The following RAPGEF5 variants were observed in gnomAD, a reference collection of about 807,000 sequenced individuals.
RAPGEF5 encodes M-Ras-regulated GEF.
In RAPGEF5, 65 loss-of-function variants were observed where a neutral mutation model predicts 125.2. That is an observed-to-expected ratio of 0.52 (90% CI 0.43 to 0.64). The LOEUF (loss-of-function observed/expected upper bound fraction) is 0.64, where lower values mean the gene tolerates loss of function less well. Ranked by LOEUF, RAPGEF5 falls within the 30% of genes least tolerant of loss-of-function variation. RAPGEF5 has a pLI of 0.00. For missense variants in RAPGEF5, 958 were observed against 1,048.1 expected (o/e 0.91, Z 1.19); for synonymous variants, 391 against 385.9 (o/e 1.01, Z -0.16).
chr7:22,318,752 T>G (rs1783654823), intron 1 of RAPGEF5, among the ~76,000 whole-genome samples: 1 of 152,204 alleles, frequency 6.6e-6, no homozygotes, highest in East Asian at 1.9e-4. Context: ...AAGTCCAGTT[T>G]TGTGGAGTCG....
chr7:22,153,823 G>C (rs957356234), intron 17 of RAPGEF5, among the ~76,000 whole-genome samples: 1 of 152,202 alleles, frequency 6.6e-6, no homozygotes, highest in Non-Finnish European at 1.5e-5. Context: ...ATTGAGATCT[G>C]ACAGGCTCCA....
intron 6 of RAPGEF5, among the ~76,000 whole-genome samples, chr7:22,268,426 C>G (rs1296713444): frequency 6.6e-6 from 1 of 152,162 alleles, no homozygotes; most frequent in African/African-American, 2.4e-5. Flanking sequence ...GGTATGCATA[C>G]TCAAATAAAT....
At chr7:22,332,734 A>T (rs2128157989) in intron 1 of RAPGEF5, among the ~76,000 whole-genome samples, 1 of 152,388 alleles carries the variant, frequency 6.6e-6, no homozygotes, top group Middle Eastern at 3.4e-3. Context: ...AGTCCTATGT[A>T]TCTCAAGCTG....
chr7:22,172,276 CCAT>C lies in RAPGEF5; in HGVS notation c.1205-5131_1205-5129del. 5.3e-5 allele frequency among the ~76,000 whole-genome samples: 8 copies of C among 151,972 alleles called. No individual in the cohort carries two copies. In the East Asian group the frequency reaches 1.6e-3, roughly 29 times the overall value. On this transcript the variant is annotated intron_variant, in intron 11 of 25. Transcript: ENST00000665637. ...CAACTGGGATTACAGGCACACACCA[CCAT>C]GCCCGGCTAATTTTTGTATTTTTAG...
intron 11 of RAPGEF5, among the ~76,000 whole-genome samples, chr7:22,184,664 T>A (rs1373255207): frequency 1.3e-5 from 2 of 152,248 alleles, no homozygotes; most frequent in Non-Finnish European, 2.9e-5. Flanking sequence ...TGTATGTTAA[T>A]GATCTTATGC....
chr7:22,339,124 G>A (rs1262217249), intron 1 of RAPGEF5, among the ~76,000 whole-genome samples: 1 of 152,150 alleles, frequency 6.6e-6, no homozygotes, highest in Non-Finnish European at 1.5e-5. Context: ...AACGCCTCAA[G>A]TGAGCATGCA....
intron 11 of RAPGEF5, chr7:22,191,634 T>G (rs1785000362): frequency 8.5e-6 from 4 of 470,378 alleles, no homozygotes; most frequent in South Asian, 6.2e-5. Context: ...ATCCCAGGGG[T>G]TGGTATAACT....
chr7:22,248,281 C>A (rs889126717), intron 7 of RAPGEF5, among the ~76,000 whole-genome samples: 2 of 152,078 alleles, frequency 1.3e-5, no homozygotes, highest in African/African-American at 4.8e-5. Flanking sequence ...CAAGGCTAAC[C>A]ACGAAATTAG....
At chr7:22,290,574 T>A (rs1782907280) in intron 6 of RAPGEF5, among the ~76,000 whole-genome samples, 1 of 151,298 alleles carries the variant, frequency 6.6e-6, no homozygotes, top group African/African-American at 2.4e-5. Context: ...TGAAACCCCG[T>A]CTCTACTAAA....
At chr7:22,204,061 T>G (rs1785342805) in intron 9 of RAPGEF5, among the ~76,000 whole-genome samples, 1 of 152,192 alleles carries the variant, frequency 6.6e-6, no homozygotes, top group African/African-American at 2.4e-5. Context: ...ATTTGTCCCG[T>G]GGGGTTTGAA....
chr7:22,244,322 G>A (rs763125438), intron 7 of RAPGEF5, among the ~76,000 whole-genome samples: 1 of 152,040 alleles, frequency 6.6e-6, no homozygotes, highest in African/African-American at 2.4e-5. Flanking sequence ...CAACCCCCAC[G>A]CCACGGACTG....
rs769507114 is a variant in RAPGEF5 at position 22,146,253 on chromosome 7, A to C, written c.2007+644T>G. Among the ~76,000 whole-genome samples the C allele has an allele frequency of 2.0e-5, 3 of 152,190 alleles. No individual in the cohort carries two copies. The East Asian group carries it at 5.8e-4, about 29-fold the overall frequency. ...CACTACATGGCGAAGCAAATGCAAC[A>C]TATGGTTACAGAGGGCTCTAACATT... On this transcript the variant is annotated intron_variant, in intron 19 of 25. Coordinates refer to ENST00000665637, the MANE Select transcript of RAPGEF5 (RefSeq NM_012294.5).
intron 11 of RAPGEF5, among the ~76,000 whole-genome samples, chr7:22,180,143 A>T (rs551005504): frequency 6.6e-6 from 1 of 152,222 alleles, no homozygotes; most frequent in Non-Finnish European, 1.5e-5. Flanking sequence ...TAGTATGTCC[A>T]TATTTCTTTG....
chr7:22,279,785 A>C (rs1782633847), intron 6 of RAPGEF5, among the ~76,000 whole-genome samples: 1 of 152,230 alleles, frequency 6.6e-6, no homozygotes, highest in Non-Finnish European at 1.5e-5. Context: ...CTTCAAGTCA[A>C]ATGACAGGGG....
At chr7:22,160,822 C>T (rs376203974) in intron 13 of RAPGEF5, among the ~76,000 whole-genome samples, 1 of 152,138 alleles carries the variant, frequency 6.6e-6, no homozygotes, top group South Asian at 2.1e-4. Flanking sequence ...CTTTCAGGGC[C>T]ATAGGTGGAA....
At chr7:22,264,963 T>G (rs1242918758) in intron 7 of RAPGEF5, among the ~76,000 whole-genome samples, 1 of 152,192 alleles carries the variant, frequency 6.6e-6, no homozygotes, top group Non-Finnish European at 1.5e-5. Context: ...AGGCCCTCCC[T>G]CCTGCAATCT....
At chr7:22,258,602 C>T (rs1391719335) in intron 7 of RAPGEF5, among the ~76,000 whole-genome samples, 1 of 98,184 alleles carries the variant, frequency 1.0e-5, no homozygotes, top group Non-Finnish European at 1.8e-5. Flanking sequence ...CCAGCCTGGG[C>T]AACAAGAGCG....
At position 22,138,042 on chromosome 7, in the gene RAPGEF5, C is replaced by T. The variant is rs186710697; in HGVS notation, c.2278-1059G>A. Among the ~76,000 whole-genome samples the T allele has an allele frequency of 5.0e-3, 764 of 151,592 alleles. 5 individuals are homozygous for T. The highest frequency in any genetic ancestry group is 0.017 in the African/African-American group (716 of 41,384). Reference sequence around the variant, plus strand: ...ACACACACACACACACACGCACGCACGCACACACACACCCCAACAAACAGA... The same window carrying T: ...ACACACACACACACACACGCACGCATGCACACACACACCCCAACAAACAGA... On this transcript the variant is annotated intron_variant, in intron 21 of 25. Coordinates refer to ENST00000665637, the MANE Select transcript of RAPGEF5 (RefSeq NM_012294.5).
chr7:22,161,296 T>C (rs1783987505), intron 13 of RAPGEF5, among the ~76,000 whole-genome samples: 2 of 152,018 alleles, frequency 1.3e-5, no homozygotes, highest in African/African-American at 2.4e-5. Context: ...ATCCCAACAC[T>C]TTGGGAGGCT....
Sources: allele counts gnomAD v4.1 joint callset (sites outside exome capture counted in the v4.1 genomes callset), GRCh38; gene constraint gnomAD v4.1.1; transcripts MANE v1.5; gene names NCBI Gene and HGNC (gene_info 2026-07-23, HGNC 2026-07-21).